SYNE2: variants seen among roughly 807,000 people sequenced by gnomAD.
SYNE2 encodes the protein nesprin-2.
A neutral mutation model predicts 856.3 loss-of-function variants in SYNE2; 431 were observed. The ratio of observed to expected loss-of-function variants is 0.50; its 90% CI spans 0.47 to 0.55. The LOEUF is 0.55. Ranked by LOEUF, SYNE2 falls within the 20% of genes least tolerant of loss-of-function variation. The pLI, the probability that SYNE2 is intolerant of heterozygous loss-of-function variation, is 0.00. For missense variants in SYNE2, 8,129 were observed against 8,023.2 expected, an observed-to-expected ratio of 1.01 and a Z score of -0.50; for synonymous variants, 2,923 against 2,872.3, an observed-to-expected ratio of 1.02 and a Z score of -0.56.
chr14:64,133,799 G>T lies in SYNE2; in HGVS notation c.14515-270G>T, dbSNP rs1400754888. Among the ~76,000 whole-genome samples the T allele has an allele frequency of 2.0e-5, 3 of 152,136 alleles. No homozygotes were observed. In the East Asian group the frequency reaches 5.8e-4, roughly 29 times the overall value. On this transcript the variant is annotated intron_variant, in intron 77 of 115. Transcript: ENST00000555002. ...TTAACTTCATTGTATTACTCCTTTA[G>T]TCATGTTACCCAGTTTGACAAGACA...
At chr14:63,841,623 A>G (rs889526901) in intron 1 of SYNE2, among the ~76,000 whole-genome samples, 11 of 152,176 alleles carry the variant, frequency 7.2e-5, no homozygotes, top group African/African-American at 2.7e-4. Flanking sequence ...ACAACTTGAG[A>G]ATGTTTTTCC....
At chr14:63,766,131 T>C (rs902699123) in intron 1 of SYNE2, among the ~76,000 whole-genome samples, 24 of 150,492 alleles carry the variant, frequency 1.6e-4, no homozygotes, top group African/African-American at 5.9e-4. Context: ...CAGACTGGAG[T>C]GCAGTGGCAT....
At chr14:63,794,453 G>T (rs1887849290) in intron 1 of SYNE2, among the ~76,000 whole-genome samples, 1 of 152,106 alleles carries the variant, frequency 6.6e-6, no homozygotes, top group Non-Finnish European at 1.5e-5. Flanking sequence ...GCCTCCTAAA[G>T]TGCTGGGATT....
Position 64,225,670 on chromosome 14 carries a change from T to TC in SYNE2, c.*147dup. The TC allele has an allele frequency of 1.1e-6, 1 of 904,722 alleles. No homozygotes were observed. The allele number at this position is 904,722 out of a possible 1,614,324, so 56.0% of individuals were successfully genotyped here. On this transcript the variant is annotated 3_prime_UTR_variant, in exon 116 of 116. Transcript: ENST00000555002. ...TCTTCTGGGCTTACCCAGCACGGGCTCCCTGGAGCCCAGGGCAGCTTTCAG... is the reference window on the plus strand; with the variant it reads ...TCTTCTGGGCTTACCCAGCACGGGCTCCCCTGGAGCCCAGGGCAGCTTTCAG...
At chr14:64,076,406 C>T (rs1445499955) in intron 54 of SYNE2, among the ~76,000 whole-genome samples, 1 of 152,086 alleles carries the variant, frequency 6.6e-6, no homozygotes, top group Non-Finnish European at 1.5e-5. Context: ...CACTGTACAA[C>T]CACTTGAACA....
intron 1 of SYNE2, among the ~76,000 whole-genome samples, chr14:63,830,084 A>G (rs1692711807): frequency 6.6e-6 from 1 of 152,172 alleles, no homozygotes; most frequent in Non-Finnish European, 1.5e-5. Context: ...GATGGGTGAA[A>G]CTTGAAAACG....
intron 54 of SYNE2, among the ~76,000 whole-genome samples, chr14:64,077,163 T>C (rs2097468948): frequency 6.6e-6 from 1 of 152,164 alleles, no homozygotes; most frequent in Admixed American, 6.5e-5. Context: ...TTTTATTGTG[T>C]GATACAGCTA....
At chr14:63,940,764 A>G (rs948322554) in intron 3 of SYNE2, 89 bp downstream of exon 3, 15 of 1,159,714 alleles carry the variant, frequency 1.3e-5, no homozygotes, top group Non-Finnish European at 1.9e-5. Flanking sequence ...CCATTAAAAA[A>G]TGGTACTGGT....
At chr14:63,934,023 C>G (rs1313907830) in intron 2 of SYNE2, among the ~76,000 whole-genome samples, 1 of 152,104 alleles carries the variant, frequency 6.6e-6, no homozygotes, top group African/African-American at 2.4e-5. Context: ...CATATGAAAC[C>G]ATTTAATTGA....
intron 1 of SYNE2, among the ~76,000 whole-genome samples, chr14:63,814,540 A>T (rs1327854006): frequency 7.1e-6 from 1 of 139,916 alleles, no homozygotes; most frequent in Non-Finnish European, 1.5e-5. Context: ...CATATATAAT[A>T]TATATATCCA....
At chr14:64,122,246 G>A in intron 69 of SYNE2, 40 bp from the exon 70 acceptor site, 1 of 1,614,126 alleles carries the variant, frequency 6.2e-7, no homozygotes, top group South Asian at 1.1e-5. Context: ...AAAATGTTTA[G>A]TGTTGATTAT....
intron 1 of SYNE2, among the ~76,000 whole-genome samples, chr14:63,853,623 G>A (rs1466850063): frequency 1.3e-5 from 2 of 151,674 alleles, no homozygotes; most frequent in African/African-American, 4.8e-5. Flanking sequence ...AAGGCGGACA[G>A]CCGCGGCGCA....
Position 63,956,844 on chromosome 14 carries a change from A to G in SYNE2, c.787+1929A>G, listed in dbSNP as rs544631541. ...CAATCTAGAGATGAGTCCTGGAACC[A>G]ATTCCCGTGTATACCAAGGAGAACT... On this transcript the variant is annotated intron_variant, in intron 8 of 115. Transcript: ENST00000555002. 3.3e-5 allele frequency among the ~76,000 whole-genome samples: 5 copies of G among 152,314 alleles called. No individual in the cohort carries two copies. The East Asian group carries it at 9.6e-4, about 29-fold the overall frequency.
intron 1 of SYNE2, among the ~76,000 whole-genome samples, chr14:63,881,258 T>C (rs1595401765): frequency 6.6e-6 from 1 of 152,056 alleles, no homozygotes; most frequent in South Asian, 2.1e-4. Flanking sequence ...GGTTTGTAGG[T>C]GTGAGCCACC....
At chr14:64,047,169 T>C (rs914832408) in intron 45 of SYNE2, among the ~76,000 whole-genome samples, 3 of 152,094 alleles carry the variant, frequency 2.0e-5, no homozygotes, top group Admixed American at 1.3e-4. Flanking sequence ...TGAAAATGGC[T>C]CTCAGTGGAG....
upstream of SYNE2, among the ~76,000 whole-genome samples, chr14:63,849,814 G>A (rs1199006664): frequency 6.6e-6 from 1 of 152,176 alleles, no homozygotes; most frequent in Non-Finnish European, 1.5e-5. Context: ...CTTAGACCAT[G>A]ATTTTTGTTA....
In SYNE2 at chr14:64,144,038, T is replaced by G. The variant is rs1476069280; in HGVS notation, c.15483+90T>G. The G allele has an allele frequency of 7.4e-6, 11 of 1,481,734 alleles. No homozygotes were observed. In the East Asian group the frequency reaches 2.0e-4, roughly 27 times the overall value. 91.8% of individuals were successfully genotyped at this position (1,481,734 alleles called of 1,614,324 possible). A position where few individuals can be genotyped will look rare whatever the true frequency, so the allele number is the denominator to read the frequency against. Reference sequence around the variant, plus strand: ...CAAAAAAGACGTTCAATTAGTTGACTGATTATTAAGCCTAATAATCATCTC... The same window carrying G: ...CAAAAAAGACGTTCAATTAGTTGACGGATTATTAAGCCTAATAATCATCTC... On this transcript the variant is annotated intron_variant, in intron 83 of 115. Coordinates refer to ENST00000555002, the MANE Select transcript of SYNE2 (RefSeq NM_182914.3).
intron 85 of SYNE2, among the ~76,000 whole-genome samples, chr14:64,154,260 G>A (rs906167546): frequency 4.0e-5 from 6 of 151,092 alleles, no homozygotes; most frequent in African/African-American, 9.7e-5. Context: ...CATGGATTAG[G>A]CAGGGGTTAC....
At chr14:64,024,789 T>C in intron 39 of SYNE2, 123 bp from the exon 40 acceptor site, 2 of 1,033,634 alleles carry the variant, frequency 1.9e-6, no homozygotes, top group Non-Finnish European at 2.9e-6. Flanking sequence ...AATTAAATTC[T>C]CTCTAAATTA....
Sources: gnomAD v4.1 joint callset for allele counts (sites outside exome capture counted in the v4.1 genomes callset) on GRCh38, gnomAD v4.1.1 for gene constraint, MANE v1.5 for transcripts, NCBI Gene and HGNC (gene_info 2026-07-23, HGNC 2026-07-21) for gene names.